XKR4: variants seen among roughly 807,000 people sequenced by gnomAD.
XKR4 encodes XK related 4, also known as XK-related protein 4.
A neutral mutation model predicts 53.9 loss-of-function variants in XKR4; 12 were observed. The ratio of observed to expected loss-of-function variants is 0.22; its 90% CI spans 0.14 to 0.36. XKR4 has a LOEUF of 0.36. Ranked by LOEUF, XKR4 falls within the 10% of genes least tolerant of loss-of-function variation. The probability of loss-of-function intolerance (pLI) is 1.00; values close to 1 mark genes in which losing one functional copy is unlikely to be tolerated. For missense variants in XKR4, 799 were observed against 859.5 expected, an observed-to-expected ratio of 0.93 and a Z score of 0.88; for synonymous variants, 354 against 362.4, an observed-to-expected ratio of 0.98 and a Z score of 0.26.
At chr8:55,145,924 C>G (rs772843665) in intron 1 of XKR4, among the ~76,000 whole-genome samples, 1 of 152,128 alleles carries the variant, frequency 6.6e-6, no homozygotes, top group African/African-American at 2.4e-5. Context: ...GAAGTAAAGA[C>G]ATATCACTCA....
At chr8:55,297,577 G>T (rs570283843) in intron 1 of XKR4, among the ~76,000 whole-genome samples, 3 of 152,264 alleles carry the variant, frequency 2.0e-5, no homozygotes, top group Admixed American at 2.0e-4. Context: ...CAGGGGAAAG[G>T]TTACAGTTTC....
At chr8:55,454,698 G>A (rs531923704) in intron 2 of XKR4, 2 of 871,906 alleles carry the variant, frequency 2.3e-6, no homozygotes, top group East Asian at 2.4e-5. Flanking sequence ...GGCCCTCCAC[G>A]TGGACGGCAT....
At chr8:55,108,703 A>G (rs369493823) in intron 1 of XKR4, among the ~76,000 whole-genome samples, 1 of 152,148 alleles carries the variant, frequency 6.6e-6, no homozygotes, top group Non-Finnish European at 1.5e-5. Context: ...ATTGAAAGTT[A>G]GTTCTTCTGA....
At chr8:55,359,344 TA>T (rs1803866797) in intron 2 of XKR4, among the ~76,000 whole-genome samples, 1 of 152,228 alleles carries the variant, frequency 6.6e-6, no homozygotes, top group East Asian at 1.9e-4. Flanking sequence ...TGCTCAAATG[TA>T]AAGGTCGCAA....
chr8:55,303,057 G>A (rs1057452779), intron 1 of XKR4, among the ~76,000 whole-genome samples: 1 of 152,174 alleles, frequency 6.6e-6, no homozygotes, highest in African/African-American at 2.4e-5. Flanking sequence ...GTGAGAGAAG[G>A]CATCCATGTC....
intron 2 of XKR4, among the ~76,000 whole-genome samples, chr8:55,511,228 G>A (rs1563369912): frequency 6.6e-6 from 1 of 152,026 alleles, no homozygotes; most frequent in Non-Finnish European, 1.5e-5. Context: ...CCTGAACCCC[G>A]CAGGCCAAGG....
At chr8:55,285,227 G>A (rs1030781461) in intron 1 of XKR4, among the ~76,000 whole-genome samples, 1 of 152,126 alleles carries the variant, frequency 6.6e-6, no homozygotes, top group Non-Finnish European at 1.5e-5. Flanking sequence ...AGTACATCAA[G>A]TAGGCACACA....
intron 2 of XKR4, among the ~76,000 whole-genome samples, chr8:55,432,315 A>G (rs956152152): frequency 1.1e-4 from 16 of 152,216 alleles, no homozygotes; most frequent in African/African-American, 3.9e-4. Context: ...TAGCTGAAAA[A>G]TGAGGGCAAT....
intron 2 of XKR4, among the ~76,000 whole-genome samples, chr8:55,480,947 C>A (rs1806091832): frequency 6.6e-6 from 1 of 152,152 alleles, no homozygotes; most frequent in Admixed American, 6.5e-5. Flanking sequence ...TAGGAAGAAT[C>A]CATATCATGA....
intron 1 of XKR4, chr8:55,140,149 G>A (rs978435937): frequency 6.9e-6 from 3 of 436,168 alleles, no homozygotes; most frequent in Non-Finnish European, 1.4e-5. Context: ...AGTTATTCCT[G>A]GGTTGGTATC....
rs144753583 is a variant in XKR4 at position 55,461,341 on chromosome 8, G to A, written c.1007-61940G>A. Reference sequence around the variant, plus strand: ...CAATATCTACTGTTCTGCAGCCTTCGCTGCTGATACCCAGGCAAACAGGGT... The same window carrying A: ...CAATATCTACTGTTCTGCAGCCTTCACTGCTGATACCCAGGCAAACAGGGT... On this transcript the variant is annotated intron_variant, in intron 2 of 2. Coordinates refer to ENST00000327381, the MANE Select transcript of XKR4 (RefSeq NM_052898.2). 6.1e-3 allele frequency among the ~76,000 whole-genome samples: 923 copies of A among 152,310 alleles called. 9 individuals carry two copies. Among genetic ancestry groups the A allele is most frequent in the African/African-American group, 0.021 (880 of 41,576 alleles).
intron 2 of XKR4, among the ~76,000 whole-genome samples, chr8:55,422,466 G>T (rs975372636): frequency 5.9e-5 from 9 of 152,280 alleles, no homozygotes; most frequent in East Asian, 1.9e-4. Flanking sequence ...GATTTGATTT[G>T]GTCCGTGAGA....
rs1405811354 is a variant in XKR4 at position 55,102,384 on chromosome 8, A to G, written c.-105A>G. ...CAGGAGCAGGAGGAGGGGGAGCCGC[A>G]CCGCCTGGGAGGGAAGCCGGGGCGA... On this transcript the variant is annotated 5_prime_UTR_variant, in exon 1 of 3. Transcript: ENST00000327381. The surrounding 1 kb of genome is among the most constrained non-coding windows in gnomAD (Gnocchi z 5.1). 28 of 1,327,064 alleles carry G rather than the reference A, an allele frequency of 2.1e-5. No homozygotes were observed. In the Admixed American group the frequency reaches 7.2e-4, roughly 34 times the overall value. The allele number at this position is 1,327,064 out of a possible 1,614,324, so 82.2% of individuals were successfully genotyped here.
intron 1 of XKR4, among the ~76,000 whole-genome samples, chr8:55,196,282 A>T (rs928350905): frequency 6.6e-6 from 1 of 151,518 alleles, no homozygotes; most frequent in African/African-American, 2.4e-5. Flanking sequence ...CCCAGGTTCA[A>T]GCAATTCTCC....
At chr8:55,226,273 A>G (rs1270928537) in intron 1 of XKR4, among the ~76,000 whole-genome samples, 2 of 152,238 alleles carry the variant, frequency 1.3e-5, no homozygotes, top group East Asian at 3.8e-4. Flanking sequence ...GCAAGAGTAT[A>G]AATCTTTTCT....
chr8:55,124,526 T>C (rs1343531946), intron 1 of XKR4, among the ~76,000 whole-genome samples: 1 of 152,216 alleles, frequency 6.6e-6, no homozygotes, highest in Admixed American at 6.5e-5. Context: ...TTGGTGTCAT[T>C]TTTAATCTTT....
intron 1 of XKR4, among the ~76,000 whole-genome samples, chr8:55,282,749 G>A (rs1321707715): frequency 1.3e-5 from 2 of 152,126 alleles, no homozygotes; most frequent in Non-Finnish European, 2.9e-5. Flanking sequence ...AGTGACATTG[G>A]TATAAACAAA....
intron 1 of XKR4, among the ~76,000 whole-genome samples, chr8:55,227,544 C>G (rs1017468483): frequency 2.0e-5 from 3 of 152,254 alleles, no homozygotes; most frequent in Non-Finnish European, 2.9e-5. Context: ...GCGCTCTCCA[C>G]TTCCATTCAA....
At chr8:55,108,290 G>T (rs1167374876) in intron 1 of XKR4, among the ~76,000 whole-genome samples, 1 of 152,138 alleles carries the variant, frequency 6.6e-6, no homozygotes, top group Non-Finnish European at 1.5e-5. Flanking sequence ...AACTAGTTGG[G>T]CCAGATAATG....
Sources: allele counts gnomAD v4.1 joint callset (sites outside exome capture counted in the v4.1 genomes callset), GRCh38; gene constraint gnomAD v4.1.1; non-coding constraint Gnocchi (gnomAD v3.1); transcripts MANE v1.5; gene names NCBI Gene and HGNC (gene_info 2026-07-23, HGNC 2026-07-21).